The following SLC5A4 variants were observed in gnomAD, a reference collection of about 807,000 sequenced individuals.
SLC5A4 encodes the protein probable glucose sensor protein SLC5A4.
SLC5A4 carries 55 observed loss-of-function variants against 70.3 expected under a neutral mutation model. That is an observed-to-expected ratio of 0.78 (90% CI 0.63 to 0.98). The LOEUF is 0.98. SLC5A4 is among the 50% of genes least tolerant of loss of function. The probability of loss-of-function intolerance (pLI) is 0.00; values close to 1 mark genes in which losing one functional copy is unlikely to be tolerated. For synonymous variants in SLC5A4, 268 were observed against 305.7 expected (o/e 0.88, Z 1.29); for missense variants, 735 against 839.2 (o/e 0.88, Z 1.53).
the SLC5A4 span, among the ~76,000 whole-genome samples, chr22:32,336,031 G>C: frequency 6.6e-6 from 1 of 152,172 alleles, no homozygotes; most frequent in Non-Finnish European, 1.5e-5. Flanking sequence ...GAAATAGTGG[G>C]TGAAATAAAG....
intron 14 of SLC5A4, among the ~76,000 whole-genome samples, 159 bp from the exon 15 acceptor site, chr22:32,218,884 A>G (rs1424172611): frequency 6.6e-6 from 1 of 152,228 alleles, no homozygotes; most frequent in Non-Finnish European, 1.5e-5. Context: ...AATCATATAA[A>G]AACAGGCGAC....
At chr22:32,299,388 G>T in the SLC5A4 span, among the ~76,000 whole-genome samples, 1 of 128,988 alleles carries the variant, frequency 7.8e-6, no homozygotes, top group African/African-American at 2.9e-5. Context: ...TTCCCTTCTC[G>T]CTTCATTTCA....
chr22:32,293,965 G>C, the SLC5A4 span, among the ~76,000 whole-genome samples: 1 of 152,014 alleles, frequency 6.6e-6, no homozygotes, highest in Non-Finnish European at 1.5e-5. Flanking sequence ...TACTTTTACT[G>C]TAGTTTGTAA....
the SLC5A4 span, among the ~76,000 whole-genome samples, chr22:32,297,409 C>T: frequency 6.6e-6 from 1 of 151,066 alleles, no homozygotes; most frequent in Non-Finnish European, 1.5e-5. Context: ...GGAATTTATC[C>T]ATTTCTTCTA....
the SLC5A4 span, among the ~76,000 whole-genome samples, chr22:32,269,054 G>A: frequency 1.3e-5 from 2 of 151,958 alleles, no homozygotes; most frequent in Non-Finnish European, 2.9e-5. The surrounding 1 kb of genome is among the most constrained non-coding windows in gnomAD (Gnocchi z 4.1). Flanking sequence ...CACCACACCG[G>A]GCTAATTTTT....
At chr22:32,221,174 C>T in intron 13 of SLC5A4, 152 bp from the exon 14 acceptor site, 2 of 496,944 alleles carry the variant, frequency 4.0e-6, no homozygotes, top group South Asian at 4.4e-5. Context: ...CTACCACACT[C>T]ACTCATCAAA....
the SLC5A4 span, among the ~76,000 whole-genome samples, chr22:32,324,293 G>T: frequency 2.8e-3 from 384 of 138,684 alleles, 2 homozygotes; most frequent in African/African-American, 9.9e-3. Flanking sequence ...ACATATATAC[G>T]TATATATACT....
At chr22:32,330,528 C>G in the SLC5A4 span, among the ~76,000 whole-genome samples, 70,030 of 101,052 alleles carry the variant, frequency 0.69, 23,212 homozygotes, top group Admixed American at 0.74. Flanking sequence ...CTGTGTGTGT[C>G]TGTGTTGGGG....
At chr22:32,237,746 G>T (rs7289147) in intron 6 of SLC5A4, among the ~76,000 whole-genome samples, 43,990 of 151,962 alleles carry the variant, frequency 0.29, 6,880 homozygotes, top group Non-Finnish European at 0.35. Context: ...ACCAGATATA[G>T]TTACTGTGTT....
chr22:32,257,377 C>T (rs979973853), upstream of SLC5A4, among the ~76,000 whole-genome samples: 41 of 152,158 alleles, frequency 2.7e-4, no homozygotes, highest in African/African-American at 9.9e-4. Context: ...TTCTCAGAGA[C>T]AGGGTCTCAT....
At chr22:32,250,538 G>A (rs1208795374) in intron 3 of SLC5A4, among the ~76,000 whole-genome samples, 1 of 152,126 alleles carries the variant, frequency 6.6e-6, no homozygotes, top group Non-Finnish European at 1.5e-5. Context: ...ATTGTGGAAG[G>A]CAGTGTGGTG....
the SLC5A4 span, among the ~76,000 whole-genome samples, chr22:32,321,757 T>G: frequency 1.3e-5 from 2 of 152,220 alleles, no homozygotes; most frequent in African/African-American, 4.8e-5. Flanking sequence ...CTAAGAATAA[T>G]GGCTTCCAGC....
chr22:32,225,910 T>C (rs1925372273), intron 11 of SLC5A4, 87 bp from the exon 12 acceptor site: 1 of 893,212 alleles, frequency 1.1e-6, no homozygotes, highest in South Asian at 2.0e-5. Flanking sequence ...TCATTCTTGT[T>C]GTCACTCATT....
At chr22:32,221,614 T>C (rs1222603849) in intron 13 of SLC5A4, among the ~76,000 whole-genome samples, 1 of 152,192 alleles carries the variant, frequency 6.6e-6, no homozygotes, top group Non-Finnish European at 1.5e-5. Context: ...AAGATTTCCA[T>C]GGTTAGTCTG....
intron 12 of SLC5A4, 116 bp from the exon 13 acceptor site, chr22:32,224,598 C>T: frequency 1.3e-6 from 1 of 783,514 alleles, no homozygotes; most frequent in Non-Finnish European, 2.1e-6. Flanking sequence ...AAATGGCTAA[C>T]CTTGGGCACA....
chr22:32,261,622 C>T, the SLC5A4 span, among the ~76,000 whole-genome samples: 1 of 152,240 alleles, frequency 6.6e-6, no homozygotes, highest in African/African-American at 2.4e-5. Flanking sequence ...ACAGGATGAT[C>T]GCCCAGGGAG....
the SLC5A4 span, among the ~76,000 whole-genome samples, chr22:32,274,689 A>G: frequency 6.6e-6 from 1 of 152,246 alleles, no homozygotes; most frequent in Non-Finnish European, 1.5e-5. Context: ...TTTTAATTAG[A>G]TAAAAAGCTC....
the SLC5A4 span, among the ~76,000 whole-genome samples, chr22:32,344,134 T>C: frequency 1.3e-5 from 2 of 152,150 alleles, no homozygotes; most frequent in South Asian, 2.1e-4. Flanking sequence ...TAGTTTTCAA[T>C]AGGAAGAAAA....
At chr22:32,306,347 T>A in the SLC5A4 span, among the ~76,000 whole-genome samples, 1,761 of 145,998 alleles carry the variant, frequency 0.012, 42 homozygotes, top group African/African-American at 0.041. Context: ...TGCCTGCTAG[T>A]CCCAGCTACT....
Sources: allele counts gnomAD v4.1 joint callset (sites outside exome capture counted in the v4.1 genomes callset), GRCh38; gene constraint gnomAD v4.1.1; non-coding constraint Gnocchi (gnomAD v3.1); transcripts MANE v1.5; gene names NCBI Gene and HGNC (gene_info 2026-07-23, HGNC 2026-07-21).